The following DIXDC1 variants were observed in gnomAD, a reference collection of about 807,000 sequenced individuals.
DIXDC1 encodes DIX domain containing 1, also known as dixin.
In DIXDC1, 64 loss-of-function variants were observed where a neutral mutation model predicts 103.1. The ratio of observed to expected loss-of-function variants is 0.62; its 90% CI spans 0.51 to 0.76. The LOEUF (loss-of-function observed/expected upper bound fraction) is 0.76, where lower values mean the gene tolerates loss of function less well. DIXDC1 is among the 30% of genes least tolerant of loss of function. DIXDC1 has a pLI of 0.00. For missense variants in DIXDC1, 759 were observed against 834.2 expected (o/e 0.91, Z 1.11); for synonymous variants, 266 against 298.5 (o/e 0.89, Z 1.12).
intron 6 of DIXDC1, among the ~76,000 whole-genome samples, chr11:111,981,182 G>T (rs929859423): frequency 9.2e-5 from 14 of 152,248 alleles, no homozygotes; most frequent in Middle Eastern, 3.4e-3. Flanking sequence ...ACAAATAATT[G>T]CAGGACTTAC....
At chr11:111,964,786 C>T (rs1267148729) in intron 2 of DIXDC1, 108 bp downstream of exon 2, 3 of 1,338,734 alleles carry the variant, frequency 2.2e-6, no homozygotes, top group Non-Finnish European at 3.0e-6. Flanking sequence ...GAATATATGG[C>T]AGTAGAGGTA....
chr11:111,955,987 T>TACACACACACAC lies in DIXDC1; in HGVS notation c.61-8537_61-8526dup, dbSNP rs71461600. ...AAAATGTGGTGCATATATATATGTGTACACACACACACACACACACACACA... is the reference window on the plus strand; with the variant it reads ...AAAATGTGGTGCATATATATATGTGTACACACACACACACACACACACACACACACACACACA... On this transcript the variant is annotated intron_variant, in intron 1 of 19. Coordinates refer to ENST00000440460, the MANE Select transcript of DIXDC1 (RefSeq NM_001037954.4). 7.6e-3 allele frequency among the ~76,000 whole-genome samples: 1,080 copies of TACACACACACAC among 142,602 alleles called. 16 individuals carry two copies. The highest frequency in any genetic ancestry group is 0.023 in the African/African-American group (886 of 38,440). 93.6% of individuals were successfully genotyped at this position (142,602 alleles called of 152,430 possible).
upstream of DIXDC1, among the ~76,000 whole-genome samples, chr11:111,936,447 A>G (rs1379609438): frequency 1.3e-5 from 2 of 152,196 alleles, no homozygotes; most frequent in African/African-American, 4.8e-5. Context: ...TGCAGTCTTT[A>G]TTTTAATTAA....
chr11:111,977,527 C>A lies in DIXDC1; in HGVS notation c.656+2544C>A. On this transcript the variant is annotated intron_variant, in intron 5 of 19. Coordinates refer to ENST00000440460, the MANE Select transcript of DIXDC1 (RefSeq NM_001037954.4). This position sits in a 1 kb window ranked among gnomAD's most constrained non-coding sequence, Gnocchi z 6.1. ...GGGCCGGGCTGCTGCACAGTCTGAGCGGCCGGGACTGCGCGCTTCAGAGCC... is the reference window on the plus strand; with the variant it reads ...GGGCCGGGCTGCTGCACAGTCTGAGAGGCCGGGACTGCGCGCTTCAGAGCC... 9.2e-6 allele frequency: 13 copies of A among 1,411,664 alleles called. No homozygotes were observed. Among genetic ancestry groups the A allele is most frequent in the Non-Finnish European group, 1.2e-5 (13 of 1,085,290 alleles). 87.4% of individuals were successfully genotyped at this position (1,411,664 alleles called of 1,614,324 possible).
intron 5 of DIXDC1, 138 bp from the exon 6 acceptor site, chr11:111,980,599 G>A (rs1860263515): frequency 5.2e-6 from 3 of 573,508 alleles, no homozygotes; most frequent in Admixed American, 3.2e-5. Context: ...TTTATTTTCT[G>A]TGGGCCAAGT....
chr11:111,980,110 A>C (rs1204872679), intron 5 of DIXDC1, among the ~76,000 whole-genome samples: 1 of 152,152 alleles, frequency 6.6e-6, no homozygotes, highest in African/African-American at 2.4e-5. Context: ...CTTTTGACAT[A>C]TTATCTTCCC....
chr11:111,995,113 G>A lies in DIXDC1; in HGVS notation c.1527+5G>A, dbSNP rs782774721. ...ACTTCAGTCAGCAACAGAGGGGTAC[G>A]TACCTGGAGTTTTGATGGAGTCCTG... On this transcript the variant is annotated splice_donor_5th_base_variant and intron_variant, in intron 15 of 19. Transcript: ENST00000440460. 2.0e-5 allele frequency: 33 copies of A among 1,612,470 alleles called. No individual in the cohort carries two copies. Among genetic ancestry groups the A allele is most frequent in the African/African-American group, 6.7e-5 (5 of 74,890 alleles).
Position 111,977,354 on chromosome 11 carries a change from C to T in DIXDC1, c.656+2371C>T. The T allele has an allele frequency of 9.4e-7, 1 of 1,066,368 alleles. No homozygotes were observed. Among genetic ancestry groups the T allele is most frequent in the Non-Finnish European group, 1.1e-6 (1 of 881,118 alleles). The allele number at this position is 1,066,368 out of a possible 1,614,324, so 66.1% of individuals were successfully genotyped here. ...TGGGATCGCCGCTGGGGACTCGAGGCGCAGCCTGCGCCGCCGGGAGCCTCC... is the reference window on the plus strand; with the variant it reads ...TGGGATCGCCGCTGGGGACTCGAGGTGCAGCCTGCGCCGCCGGGAGCCTCC... On this transcript the variant is annotated intron_variant, in intron 5 of 19. Coordinates refer to ENST00000440460, the MANE Select transcript of DIXDC1 (RefSeq NM_001037954.4). This position sits in a 1 kb window ranked among gnomAD's most constrained non-coding sequence, Gnocchi z 6.1.
chr11:111,950,410 G>GTACATA lies in DIXDC1; in HGVS notation c.60+12853_60+12854insCATATA, dbSNP rs1240718447. Among the ~76,000 whole-genome samples the GTACATA allele has an allele frequency of 8.0e-5, 2 of 25,042 alleles. 1 individual carries two copies. Among genetic ancestry groups the GTACATA allele is most frequent in the African/African-American group, 2.2e-4 (2 of 9,014 alleles). 16.4% of individuals were successfully genotyped at this position (25,042 alleles called of 152,430 possible). A position where few individuals can be genotyped will look rare whatever the true frequency, so the allele number is the denominator to read the frequency against. On this transcript the variant is annotated intron_variant, in intron 1 of 19. Coordinates refer to ENST00000440460, the MANE Select transcript of DIXDC1 (RefSeq NM_001037954.4). ...TTTTATTTTTGTGGGTACAAAGTAG[G>GTACATA]TATATATATATATATATATATATAT... is the stretch of plus-strand genomic sequence containing the variant.
intron 7 of DIXDC1, 43 bp from the exon 8 acceptor site, chr11:111,985,189 C>A (rs1860446758): frequency 1.3e-6 from 2 of 1,504,206 alleles, no homozygotes; most frequent in Non-Finnish European, 1.8e-6. Flanking sequence ...ACTAAGTCAT[C>A]TGAAGGAGAG....
upstream of DIXDC1, among the ~76,000 whole-genome samples, chr11:111,934,020 T>C (rs1555167928): frequency 6.6e-6 from 1 of 152,244 alleles, no homozygotes; most frequent in African/African-American, 2.4e-5. Flanking sequence ...TAAAAATAGA[T>C]TTACATTTTT....
intron 19 of DIXDC1, among the ~76,000 whole-genome samples, 164 bp downstream of exon 19, chr11:112,018,049 T>C (rs964237076): frequency 3.3e-5 from 5 of 152,238 alleles, no homozygotes; most frequent in Non-Finnish European, 5.9e-5. Context: ...CAAGTGGTCA[T>C]AGAATAGTCC....
chr11:111,990,035 C>T (rs1253517259), intron 10 of DIXDC1, among the ~76,000 whole-genome samples: 1 of 151,204 alleles, frequency 6.6e-6, no homozygotes, highest in African/African-American at 2.4e-5. Flanking sequence ...TGTGATCTGC[C>T]CGCCTTGGCC....
intron 17 of DIXDC1, among the ~76,000 whole-genome samples, chr11:112,001,360 G>A (rs1321557635): frequency 1.3e-5 from 2 of 152,192 alleles, no homozygotes; most frequent in East Asian, 3.9e-4. Context: ...GATGATGACA[G>A]TGTTCTGGAA....
At chr11:111,965,387 A>C (rs587766826) in intron 2 of DIXDC1, among the ~76,000 whole-genome samples, 122 of 152,316 alleles carry the variant, frequency 8.0e-4, no homozygotes, top group African/African-American at 2.7e-3. Flanking sequence ...TTTTCTGTTT[A>C]TGCAAGCTCT....
Position 111,998,725 on chromosome 11 carries a change from G to C in DIXDC1, c.1756+2579G>C, listed in dbSNP as rs1860978192. On this transcript the variant is annotated intron_variant, in intron 17 of 19. Transcript: ENST00000440460. This position sits in a 1 kb window ranked among gnomAD's most constrained non-coding sequence, Gnocchi z 4.1. ...ATTTTTTGTATTTTAGTAGAGACAG[G>C]GTTTCACTGTGTTGCCCAGGCTGGT... Among the ~76,000 whole-genome samples the C allele has an allele frequency of 6.6e-6, 1 of 151,948 alleles. No individual in the cohort carries two copies. Among genetic ancestry groups the C allele is most frequent in the Non-Finnish European group, 1.5e-5 (1 of 67,994 alleles).
rs189960332 is a variant in DIXDC1 at position 112,011,056 on chromosome 11, G to A, written c.1757-5635G>A. On this transcript the variant is annotated intron_variant, in intron 17 of 19. Coordinates refer to ENST00000440460, the MANE Select transcript of DIXDC1 (RefSeq NM_001037954.4). The stretch of plus-strand genomic sequence containing the variant: ...GAAAATTTTTGCAATCTGCCCATCT[G>A]ACAAAGGGCTAATATCTAGAGTCTA... Among the ~76,000 whole-genome samples the A allele has an allele frequency of 8.5e-5, 13 of 152,258 alleles. 1 individual carries two copies. Among genetic ancestry groups the A allele is most frequent in the Admixed American group, 8.5e-4 (13 of 15,306 alleles).
In DIXDC1 at chr11:111,937,566, G is replaced by A. The variant is rs1555168372; in HGVS notation, c.60+7G>A. 2 of 1,586,436 alleles carry A rather than the reference G, an allele frequency of 1.3e-6. No homozygotes were observed. The highest frequency in any genetic ancestry group is 1.2e-5 in the South Asian group (1 of 86,744). On this transcript the variant is annotated splice_region_variant and intron_variant, in intron 1 of 19. Transcript: ENST00000440460. ...GCAGGAGGGCTTCAATGAGGTAACT[G>A]TCCTGCTCCTCCCACTCCTCAGCTC...
chr11:111,977,551 C>T lies in DIXDC1; in HGVS notation c.656+2568C>T, dbSNP rs587621571. 3.2e-4 allele frequency: 471 copies of T among 1,473,236 alleles called. 3 individuals are homozygous for T. The Middle Eastern group carries it at 3.5e-3, about 11-fold the overall frequency. 91.3% of individuals were successfully genotyped at this position (1,473,236 alleles called of 1,614,324 possible). A position where few individuals can be genotyped will look rare whatever the true frequency, so the allele number is the denominator to read the frequency against. ...GCGGCCGGGACTGCGCGCTTCAGAG[C>T]CTGGAGCATCCCAGTCGCTGGGGCC... On this transcript the variant is annotated intron_variant, in intron 5 of 19. Coordinates refer to ENST00000440460, the MANE Select transcript of DIXDC1 (RefSeq NM_001037954.4). This position sits in a 1 kb window ranked among gnomAD's most constrained non-coding sequence, Gnocchi z 6.1.
Sources: gnomAD v4.1 joint callset for allele counts (sites outside exome capture counted in the v4.1 genomes callset) on GRCh38, gnomAD v4.1.1 for gene constraint, Gnocchi (gnomAD v3.1) non-coding constraint, MANE v1.5 for transcripts, NCBI Gene and HGNC (gene_info 2026-07-23, HGNC 2026-07-21) for gene names.